Variants in FAM168A observed in about 807,000 individuals in gnomAD.
FAM168A encodes the protein protein FAM168A.
In FAM168A, 3 loss-of-function variants were observed where a neutral mutation model predicts 28.5. The ratio of observed to expected loss-of-function variants is 0.11; its 90% CI spans 0.05 to 0.27. The LOEUF (loss-of-function observed/expected upper bound fraction) is 0.27. Among genes scored for constraint, FAM168A ranks in the 10% least tolerant of loss-of-function variants. The pLI, the probability that FAM168A is intolerant of heterozygous loss-of-function variation, is 1.00. For synonymous variants in FAM168A, 122 were observed against 124.2 expected (o/e 0.98, Z 0.12); for missense variants, 222 against 311.5 (o/e 0.71, Z 2.16).
intron 1 of FAM168A, among the ~76,000 whole-genome samples, chr11:73,531,895 C>A (rs1483933515): frequency 6.6e-6 from 1 of 150,702 alleles, no homozygotes; most frequent in Admixed American, 6.6e-5. Context: ...GCCTCAACCT[C>A]CCAGGTTTAA....
At chr11:73,579,307 T>C (rs1211201917) in intron 1 of FAM168A, among the ~76,000 whole-genome samples, 1 of 152,148 alleles carries the variant, frequency 6.6e-6, no homozygotes, top group African/African-American at 2.4e-5. Flanking sequence ...TTCCTAACAA[T>C]TATATAATGT....
At chr11:73,540,500 A>AT (rs1943640499) in intron 1 of FAM168A, among the ~76,000 whole-genome samples, 1 of 152,088 alleles carries the variant, frequency 6.6e-6, no homozygotes, top group Admixed American at 6.6e-5. Flanking sequence ...AACTCTATGC[A>AT]TTTTGTCTGC....
At chr11:73,460,545 C>A (rs1472369846) in intron 2 of FAM168A, among the ~76,000 whole-genome samples, 2 of 148,384 alleles carry the variant, frequency 1.3e-5, no homozygotes, top group African/African-American at 2.5e-5. Context: ...ACTCTATTGC[C>A]CAGGCTGGAG....
intron 2 of FAM168A, among the ~76,000 whole-genome samples, chr11:73,458,349 T>TA (rs1867578096): frequency 6.6e-6 from 1 of 152,208 alleles, no homozygotes; most frequent in Admixed American, 6.5e-5. Flanking sequence ...CAAGGGTGTG[T>TA]AGCTCAGTGG....
Position 73,451,728 on chromosome 11 carries a change from G to A in FAM168A, c.70+16677C>T, listed in dbSNP as rs894476086. 2.0e-5 allele frequency among the ~76,000 whole-genome samples: 3 copies of A among 152,348 alleles called. 1 individual carries two copies. In the South Asian group the frequency reaches 6.2e-4, roughly 32 times the overall value. ...GCCTAGGCTATACCACATAGCCAAG[G>A]TGTGTAAGTAGGCTGTACCATCTAC... On this transcript the variant is annotated intron_variant, in intron 2 of 7. Transcript: ENST00000356467.
chr11:73,484,872 T>C (rs888116539), intron 1 of FAM168A, among the ~76,000 whole-genome samples: 7 of 151,864 alleles, frequency 4.6e-5, no homozygotes, highest in African/African-American at 1.7e-4. Context: ...TGGAGTCCGA[T>C]GTTCAAGGAC....
At chr11:73,521,854 A>T (rs887073311) in intron 1 of FAM168A, among the ~76,000 whole-genome samples, 6 of 152,108 alleles carry the variant, frequency 3.9e-5, no homozygotes, top group Non-Finnish European at 8.8e-5. Context: ...TGAGAATAAA[A>T]CTGTCACACA....
chr11:73,466,192 G>A (rs567189501), intron 2 of FAM168A, among the ~76,000 whole-genome samples: 1 of 152,256 alleles, frequency 6.6e-6, no homozygotes, highest in South Asian at 2.1e-4. Flanking sequence ...GCCCTCCTGA[G>A]GCTACCCCAA....
chr11:73,463,259 G>A (rs753784592), intron 2 of FAM168A, among the ~76,000 whole-genome samples: 7 of 152,054 alleles, frequency 4.6e-5, no homozygotes, highest in African/African-American at 7.2e-5. Context: ...GAGCCACCGC[G>A]CCCAGCCAAG....
chr11:73,411,622 G>T, intron 4 of FAM168A, 86 bp from the exon 5 acceptor site: 1 of 1,372,772 alleles, frequency 7.3e-7, no homozygotes, highest in Non-Finnish European at 1.0e-6. Context: ...CGACTCCCCA[G>T]ACAAAGATGG....
chr11:73,552,849 CG>C (rs970628208), intron 1 of FAM168A, among the ~76,000 whole-genome samples: 34 of 151,936 alleles, frequency 2.2e-4, no homozygotes, highest in Non-Finnish European at 4.6e-4. Context: ...CCCAGCTACT[CG>C]GGAGACTGAG....
intron 1 of FAM168A, among the ~76,000 whole-genome samples, chr11:73,511,563 T>TTTTTTTTTTTTTTTTTTTTTTTTTG (rs1855227566): frequency 1.3e-5 from 2 of 152,148 alleles, no homozygotes; most frequent in African/African-American, 4.8e-5. Flanking sequence ...TAATGAATCT[T>TTTTTTTTTTTTTTTTTTTTTTTTTG]AAGCTGTTTT....
At chr11:73,473,262 G>A (rs1867840281) in intron 1 of FAM168A, among the ~76,000 whole-genome samples, 1 of 152,152 alleles carries the variant, frequency 6.6e-6, no homozygotes, top group Non-Finnish European at 1.5e-5. Flanking sequence ...TTCAAAGCCA[G>A]GTCTGTTTGA....
intron 6 of FAM168A, among the ~76,000 whole-genome samples, 190 bp downstream of exon 6, chr11:73,409,297 G>A (rs537887465): frequency 5.9e-5 from 9 of 152,174 alleles, no homozygotes; most frequent in Non-Finnish European, 1.0e-4. Context: ...GGCCTAGCTC[G>A]ATACGTCCTT....
chr11:73,443,370 A>G (rs1277649614), intron 2 of FAM168A, among the ~76,000 whole-genome samples: 2 of 152,188 alleles, frequency 1.3e-5, no homozygotes, highest in African/African-American at 4.8e-5. Flanking sequence ...CCCTCCGTGA[A>G]CTCACCATCT....
At chr11:73,548,356 C>A (rs377735730) in intron 1 of FAM168A, among the ~76,000 whole-genome samples, 1 of 152,076 alleles carries the variant, frequency 6.6e-6, no homozygotes, top group Admixed American at 6.5e-5. Context: ...TTACTATAAG[C>A]AAGCACATTA....
At chr11:73,414,745 A>G (rs1046855112) in intron 4 of FAM168A, among the ~76,000 whole-genome samples, 8 of 152,132 alleles carry the variant, frequency 5.3e-5, no homozygotes, top group African/African-American at 1.7e-4. Context: ...AGGGACAGTA[A>G]GCTTCTGTCC....
At chr11:73,514,702 GT>G in intron 1 of FAM168A, among the ~76,000 whole-genome samples, 1 of 152,132 alleles carries the variant, frequency 6.6e-6, no homozygotes, top group East Asian at 1.9e-4. Context: ...GCATGGTGGT[GT>G]GCTCCTGTAG....
rs190741212 is a variant in FAM168A at position 73,449,856 on chromosome 11, A to G, written c.70+18549T>C. ...GAGACCTTTGGAGGTAACAAGAAGT[A>G]TGGTTTTGTAGCTTAAACAAGACCA... On this transcript the variant is annotated intron_variant, in intron 2 of 7. Coordinates refer to ENST00000356467, the MANE Select transcript of FAM168A (RefSeq NM_015159.3). Among the ~76,000 whole-genome samples, 3 of 152,342 alleles carry G rather than the reference A, an allele frequency of 2.0e-5. No homozygotes were observed. The East Asian group carries it at 5.8e-4, about 29-fold the overall frequency.
Sources: gnomAD v4.1 joint callset for allele counts (sites outside exome capture counted in the v4.1 genomes callset) on GRCh38, gnomAD v4.1.1 for gene constraint, MANE v1.5 for transcripts, NCBI Gene and HGNC (gene_info 2026-07-23, HGNC 2026-07-21) for gene names.